Variants in EBF4 observed in about 807,000 individuals in gnomAD.
The protein encoded by EBF4 is transcription factor COE4.
Under a neutral mutation model 67.1 loss-of-function variants are expected in EBF4, and 34 were observed. That is an observed-to-expected ratio of 0.51 (90% confidence interval 0.39 to 0.67). The LOEUF (loss-of-function observed/expected upper bound fraction) is 0.67. Ranked by LOEUF, EBF4 falls within the 30% of genes least tolerant of loss-of-function variation. The pLI is 0.00. For synonymous variants in EBF4, 387 were observed against 377.7 expected, an observed-to-expected ratio of 1.02 and a Z score of -0.29; for missense variants, 837 against 873.3, an observed-to-expected ratio of 0.96 and a Z score of 0.52.
exon 14 of EBF4, chr20:2,752,480 C>G: frequency 7.9e-7 from 1 of 1,264,884 alleles, no homozygotes. Context: ...CCGGGCGTGG[C>G]CGGCCTCGGC....
At chr20:2,693,248 C>A, upstream of EBF4, 2 of 155,956 alleles carry the variant, frequency 1.3e-5, no homozygotes, top group South Asian at 2.0e-4. This position sits in a 1 kb window ranked among gnomAD's most constrained non-coding sequence, Gnocchi z 4.6. Context: ...CCGCCTTGCC[C>A]GAGGCAGCTC....
chr20:2,708,589 A>G (rs2087493773), intron 5 of EBF4, among the ~76,000 whole-genome samples: 1 of 152,184 alleles, frequency 6.6e-6, no homozygotes, highest in Admixed American at 6.5e-5. Context: ...GTTGGTAGCC[A>G]GGCGCCTGTA....
At chr20:2,698,072 G>C (rs2087321758) in intron 1 of EBF4, among the ~76,000 whole-genome samples, 1 of 152,214 alleles carries the variant, frequency 6.6e-6, no homozygotes, top group Non-Finnish European at 1.5e-5. Context: ...CGAGAGGGTG[G>C]GCAGAGAGCA....
chr20:2,734,324 C>G (rs2087851300), intron 6 of EBF4, among the ~76,000 whole-genome samples: 1 of 152,150 alleles, frequency 6.6e-6, no homozygotes, highest in Non-Finnish European at 1.5e-5. Flanking sequence ...GGGAGGATCA[C>G]TTGAACCTGG....
chr20:2,719,910 A>G (rs1360024605), intron 6 of EBF4, among the ~76,000 whole-genome samples: 2 of 152,210 alleles, frequency 1.3e-5, no homozygotes, highest in African/African-American at 4.8e-5. Flanking sequence ...GGTCAAGTTA[A>G]TTGATAGTGT....
chr20:2,741,097 G>A (rs1167546330), intron 6 of EBF4, among the ~76,000 whole-genome samples: 1 of 152,068 alleles, frequency 6.6e-6, no homozygotes, highest in East Asian at 1.9e-4. Flanking sequence ...GATCGCCTGA[G>A]CCCAGGAGTT....
rs537383281 is a variant in EBF4 at position 2,737,129 on chromosome 20, A to C, written c.558-11420A>C. Reference sequence around the variant, plus strand: ...GCCGGGCGTGGTGGCGGGCGCCTGTAGTCCCAGCTACTCGGGAGGCTGAGG... The same window carrying C: ...GCCGGGCGTGGTGGCGGGCGCCTGTCGTCCCAGCTACTCGGGAGGCTGAGG... On this transcript the variant is annotated intron_variant, in intron 6 of 16. Transcript: ENST00000609451. Among the ~76,000 whole-genome samples the C allele has an allele frequency of 2.5e-3, 382 of 151,760 alleles. 1 individual carries two copies. Among genetic ancestry groups the C allele is most frequent in the Non-Finnish European group, 4.4e-3 (298 of 67,960 alleles).
intron 6 of EBF4, among the ~76,000 whole-genome samples, chr20:2,723,229 TATTTACAGGCTCCCTCAAAAC>T (rs1399350705): frequency 6.6e-6 from 1 of 152,254 alleles, no homozygotes; most frequent in Non-Finnish European, 1.5e-5. Flanking sequence ...TATCTGATAT[TATTTACAGGCTCCCTCAAAAC>T]ACTTTTGGTG....
chr20:2,737,637 C>A (rs1235261887), intron 6 of EBF4, among the ~76,000 whole-genome samples: 1 of 151,918 alleles, frequency 6.6e-6, no homozygotes, highest in Non-Finnish European at 1.5e-5. Flanking sequence ...CCACCCTTAC[C>A]GATCATCTTA....
At chr20:2,713,882 G>A (rs888215178) in intron 6 of EBF4, among the ~76,000 whole-genome samples, 6 of 152,172 alleles carry the variant, frequency 3.9e-5, no homozygotes, top group Non-Finnish European at 2.9e-5. Flanking sequence ...TTGGTAATGC[G>A]TGGCCAGGGA....
rs2087243284 is a variant in EBF4 at position 2,693,602 on chromosome 20, A to G, written c.-44A>G. Reference sequence around the variant, plus strand: ...GCTAGACGCCCGCAGCCTCAGCGGGACCGGATCCGGGGCGGCGGGGGCGCT... The same window carrying G: ...GCTAGACGCCCGCAGCCTCAGCGGGGCCGGATCCGGGGCGGCGGGGGCGCT... On this transcript the variant is annotated 5_prime_UTR_variant, in exon 1 of 17. Transcript: ENST00000609451. The surrounding 1 kb of genome is among the most constrained non-coding windows in gnomAD (Gnocchi z 4.6). The G allele has an allele frequency of 7.4e-7, 1 of 1,353,046 alleles. No individual in the cohort carries two copies. The highest frequency in any genetic ancestry group is 9.5e-7 in the Non-Finnish European group (1 of 1,056,778). The allele number at this position is 1,353,046 out of a possible 1,614,324, so 83.8% of individuals were successfully genotyped here.
chr20:2,697,339 A>G (rs982851388), intron 1 of EBF4, among the ~76,000 whole-genome samples: 3 of 152,006 alleles, frequency 2.0e-5, no homozygotes, highest in Non-Finnish European at 4.4e-5. Context: ...AGGTCAGGAG[A>G]TCGAGACCAT....
rs59922554 is a variant in EBF4, at chr20:2,718,183, C to T, written c.557+8541C>T. On this transcript the variant is annotated intron_variant, in intron 6 of 16. Transcript: ENST00000609451. The stretch of plus-strand genomic sequence containing the variant: ...AGGATGTATTATCTTTTTAAATATA[C>T]TGTTTGATTCTACTTTACATTTTGT... Among the ~76,000 whole-genome samples, 512 of 152,268 alleles carry T rather than the reference C, an allele frequency of 3.4e-3. 2 individuals are homozygous for T. Among genetic ancestry groups the T allele is most frequent in the African/African-American group, 0.012 (484 of 41,550 alleles).
At chr20:2,758,152 C>T (rs1251635629) in intron 15 of EBF4, among the ~76,000 whole-genome samples, 2 of 152,348 alleles carry the variant, frequency 1.3e-5, no homozygotes, top group South Asian at 4.1e-4. Context: ...TAACCTTCCT[C>T]TGGGGACTGT....
rs1021818223 is a variant in EBF4 at position 2,696,848 on chromosome 20, C to G, written c.137+3066C>G. ...ACGAATGCTTACCATAGGCCAGCAT[C>G]TGCTCTCCTCTGCCTGTCCCGGTCC... On this transcript the variant is annotated intron_variant, in intron 1 of 16. Transcript: ENST00000609451. The surrounding 1 kb of genome is among the most constrained non-coding windows in gnomAD (Gnocchi z 4.7). Among the ~76,000 whole-genome samples, 2 of 152,184 alleles carry G rather than the reference C, an allele frequency of 1.3e-5. No individual in the cohort carries two copies. The highest frequency in any genetic ancestry group is 4.8e-5 in the African/African-American group (2 of 41,446).
intron 15 of EBF4, among the ~76,000 whole-genome samples, chr20:2,757,840 G>A (rs1036834810): frequency 4.6e-5 from 7 of 152,144 alleles, no homozygotes; most frequent in African/African-American, 1.7e-4. Flanking sequence ...CCAGCTACTC[G>A]GGAGGCTGAG....
At chr20:2,698,814 C>T (rs1432763182) in intron 1 of EBF4, among the ~76,000 whole-genome samples, 3 of 152,080 alleles carry the variant, frequency 2.0e-5, no homozygotes, top group Admixed American at 6.5e-5. Flanking sequence ...GGGCAAGGCA[C>T]GGCTCAAAAC....
intron 1 of EBF4, among the ~76,000 whole-genome samples, chr20:2,701,995 TG>T (rs1467513590): frequency 6.6e-6 from 1 of 152,122 alleles, no homozygotes; most frequent in African/African-American, 2.4e-5. Flanking sequence ...TCTTGCTGGC[TG>T]GGGAGCGGGT....
intron 6 of EBF4, among the ~76,000 whole-genome samples, chr20:2,728,426 G>A (rs1319958667): frequency 2.6e-5 from 4 of 152,176 alleles, no homozygotes; most frequent in South Asian, 2.1e-4. Flanking sequence ...TTGGTAAAAG[G>A]GTCTTCTCCC....
Sources: gnomAD v4.1 joint callset for allele counts (sites outside exome capture counted in the v4.1 genomes callset) on GRCh38, gnomAD v4.1.1 for gene constraint, Gnocchi (gnomAD v3.1) non-coding constraint, MANE v1.5 for transcripts, NCBI Gene and HGNC (gene_info 2026-07-23, HGNC 2026-07-21) for gene names.